The following KCNH7 variants were observed in gnomAD, a reference collection of about 807,000 sequenced individuals.
KCNH7 encodes the protein voltage-gated inwardly rectifying potassium channel KCNH7.
In KCNH7, 49 loss-of-function variants were observed where a neutral mutation model predicts 120.8. The observed-to-expected ratio is 0.41, with a 90% CI of 0.32 to 0.51. KCNH7 has a LOEUF of 0.51. Among genes scored for constraint, KCNH7 ranks in the 20% least tolerant of loss-of-function variants. KCNH7 has a pLI of 0.38. For synonymous variants in KCNH7, 547 were observed against 516.1 expected, an observed-to-expected ratio of 1.06 and a Z score of -0.81; for missense variants, 1,097 against 1,446.6, an observed-to-expected ratio of 0.76 and a Z score of 3.92.
intron 7 of KCNH7, among the ~76,000 whole-genome samples, chr2:162,440,899 G>A (rs1484836982): frequency 6.6e-6 from 1 of 152,034 alleles, no homozygotes; most frequent in Admixed American, 6.6e-5. Flanking sequence ...TAAATAACTA[G>A]GGATGTCATA....
intron 11 of KCNH7, 94 bp from the exon 12 acceptor site, chr2:162,394,579 A>G: frequency 1.4e-6 from 1 of 736,980 alleles, no homozygotes; most frequent in Non-Finnish European, 2.3e-6. Flanking sequence ...ATATTGTTTC[A>G]ACCATCTTGA....
At chr2:162,743,086 T>G (rs1249200774) in intron 2 of KCNH7, among the ~76,000 whole-genome samples, 1 of 152,130 alleles carries the variant, frequency 6.6e-6, no homozygotes, top group Non-Finnish European at 1.5e-5. Context: ...GCTTCTTATT[T>G]CATTGATTTC....
At chr2:162,741,286 T>TACATATTAATAACATGTTATTAGTTAC (rs1688124484) in intron 2 of KCNH7, among the ~76,000 whole-genome samples, 1 of 144,400 alleles carries the variant, frequency 6.9e-6, no homozygotes, top group Admixed American at 6.9e-5. Flanking sequence ...TTATTAGTTA[T>TACATATTAATAACATGTTATTAGTTAC]ACATATTAAT....
intron 2 of KCNH7, among the ~76,000 whole-genome samples, chr2:162,593,767 T>G (rs1694289598): frequency 6.6e-6 from 1 of 152,064 alleles, no homozygotes; most frequent in East Asian, 1.9e-4. Flanking sequence ...GATGATTTCC[T>G]TACCATTTTG....
chr2:162,438,593 T>C (rs572644766), intron 7 of KCNH7, among the ~76,000 whole-genome samples: 1 of 152,142 alleles, frequency 6.6e-6, no homozygotes, highest in African/African-American at 2.4e-5. Context: ...TCAGTTGCAT[T>C]ATAAGGATGA....
intron 2 of KCNH7, among the ~76,000 whole-genome samples, chr2:162,810,625 C>T (rs552103558): frequency 6.6e-6 from 1 of 152,300 alleles, no homozygotes; most frequent in African/African-American, 2.4e-5. Flanking sequence ...TGCCATCTAA[C>T]TGATGTTAGA....
At chr2:162,733,858 C>A (rs1687812975) in intron 2 of KCNH7, among the ~76,000 whole-genome samples, 1 of 152,114 alleles carries the variant, frequency 6.6e-6, no homozygotes, top group Admixed American at 6.6e-5. Flanking sequence ...AATATTTCCT[C>A]CTTAGTTTGT....
At chr2:162,808,397 T>C (rs571615556) in intron 2 of KCNH7, among the ~76,000 whole-genome samples, 12 of 152,046 alleles carry the variant, frequency 7.9e-5, no homozygotes, top group African/African-American at 2.7e-4. Flanking sequence ...ATGAAGGAAA[T>C]TCACCAGGAG....
chr2:162,782,099 T>G (rs1683516702), intron 2 of KCNH7, among the ~76,000 whole-genome samples: 1 of 152,242 alleles, frequency 6.6e-6, no homozygotes, highest in African/African-American at 2.4e-5. Context: ...AACTCTATTT[T>G]ATTAAATACA....
At chr2:162,745,839 T>C (rs1688296938) in intron 2 of KCNH7, among the ~76,000 whole-genome samples, 1 of 152,064 alleles carries the variant, frequency 6.6e-6, no homozygotes, top group African/African-American at 2.4e-5. Flanking sequence ...AAAAAATCTT[T>C]CTGCTTTTTC....
chr2:162,469,672 C>T (rs1056453715), intron 6 of KCNH7, among the ~76,000 whole-genome samples: 1 of 151,694 alleles, frequency 6.6e-6, no homozygotes, highest in East Asian at 1.9e-4. Context: ...GTAGATTTGC[C>T]CTCTCCCTCC....
chr2:162,719,803 A>G (rs1373407363), intron 2 of KCNH7, among the ~76,000 whole-genome samples: 1 of 152,014 alleles, frequency 6.6e-6, no homozygotes, highest in Non-Finnish European at 1.5e-5. Context: ...AACCTCTCCT[A>G]AGACAGAAAA....
intron 2 of KCNH7, among the ~76,000 whole-genome samples, chr2:162,764,360 C>A (rs577917070): frequency 6.6e-6 from 1 of 152,184 alleles, no homozygotes; most frequent in Non-Finnish European, 1.5e-5. Flanking sequence ...AGAAGGAAAT[C>A]ATTTCCAAGG....
rs115357635 is a variant in KCNH7, at chr2:162,455,323, T to C, written c.1129-8880A>G. Among the ~76,000 whole-genome samples the C allele has an allele frequency of 2.3e-3, 355 of 152,324 alleles. 2 individuals are homozygous for C. Among genetic ancestry groups the C allele is most frequent in the African/African-American group, 8.3e-3 (345 of 41,578 alleles). On this transcript the variant is annotated intron_variant, in intron 6 of 15. Transcript: ENST00000332142. Reference sequence around the variant, plus strand: ...GTGGATAAACTTTTTGATGCCCTGCTGGATTTGGTTTGCCAGTATTTTATA... The same window carrying C: ...GTGGATAAACTTTTTGATGCCCTGCCGGATTTGGTTTGCCAGTATTTTATA...
At chr2:162,553,605 C>A (rs576949214) in intron 2 of KCNH7, among the ~76,000 whole-genome samples, 2 of 151,790 alleles carry the variant, frequency 1.3e-5, no homozygotes, top group South Asian at 2.1e-4. Context: ...GCCAAGATTG[C>A]GCCACTGCGG....
chr2:162,561,968 C>G (rs1693084565), intron 2 of KCNH7, among the ~76,000 whole-genome samples: 1 of 152,124 alleles, frequency 6.6e-6, no homozygotes, highest in South Asian at 2.1e-4. Flanking sequence ...GAACAGAAAA[C>G]CAAACACCAC....
intron 5 of KCNH7, among the ~76,000 whole-genome samples, chr2:162,510,194 A>G (rs1312692866): frequency 6.6e-6 from 1 of 151,658 alleles, no homozygotes. Context: ...TTAACAAAGA[A>G]CTTTGAAATG....
At chr2:162,414,595 A>C (rs1199298372) in intron 9 of KCNH7, among the ~76,000 whole-genome samples, 1 of 151,900 alleles carries the variant, frequency 6.6e-6, no homozygotes, top group African/African-American at 2.4e-5. Flanking sequence ...TTTTAGATTA[A>C]ATTATGCAAC....
At chr2:162,837,699 A>G (rs975552925) in intron 1 of KCNH7, among the ~76,000 whole-genome samples, 1 of 152,232 alleles carries the variant, frequency 6.6e-6, no homozygotes. Context: ...TTATATAGCA[A>G]CAATTTATTC....
Sources: allele counts gnomAD v4.1 joint callset (sites outside exome capture counted in the v4.1 genomes callset), GRCh38; gene constraint gnomAD v4.1.1; transcripts MANE v1.5; gene names NCBI Gene and HGNC (gene_info 2026-07-23, HGNC 2026-07-21).